Variants in NUP98 observed in about 807,000 individuals in gnomAD.
The protein encoded by NUP98 is nuclear pore complex protein Nup98-Nup96.
NUP98 carries 26 observed loss-of-function variants against 191.9 expected under a neutral mutation model. The ratio of observed to expected loss-of-function variants is 0.14; its 90% CI spans 0.10 to 0.19. The LOEUF is 0.19. NUP98 is among the 10% of genes least tolerant of loss of function. The probability of loss-of-function intolerance (pLI) is 1.00; values close to 1 mark genes in which losing one functional copy is unlikely to be tolerated. For missense variants in NUP98, 1,941 were observed against 2,178.8 expected (o/e 0.89, Z 2.17); for synonymous variants, 808 against 778.4 (o/e 1.04, Z -0.63).
intron 20 of NUP98, among the ~76,000 whole-genome samples, chr11:3,706,919 A>T (rs1479202930): frequency 6.6e-6 from 1 of 152,196 alleles, no homozygotes. Context: ...GTCTTCAGAG[A>T]CAAAGATTAT....
chr11:3,748,681 C>G (rs1188411895), intron 11 of NUP98, among the ~76,000 whole-genome samples: 1 of 151,966 alleles, frequency 6.6e-6, no homozygotes, highest in Non-Finnish European at 1.5e-5. Flanking sequence ...AAAGAAAAGC[C>G]TTCCTTAATT....
In NUP98 at chr11:3,768,862, C is replaced by T. The variant is rs1280210981; in HGVS notation, c.785-118G>A. ...AATAGTCTTTATGTTATCTACTACCCTTCATTCACTACTTGATCATCTTTT... is the reference window on the plus strand; with the variant it reads ...AATAGTCTTTATGTTATCTACTACCTTTCATTCACTACTTGATCATCTTTT... On this transcript the variant is annotated intron_variant, in intron 7 of 32. Transcript: ENST00000324932. The T allele has an allele frequency of 3.1e-5, 20 of 641,846 alleles. No individual in the cohort carries two copies. In the East Asian group the frequency reaches 5.1e-4, roughly 16 times the overall value. 39.8% of individuals were successfully genotyped at this position (641,846 alleles called of 1,614,324 possible). A position where few individuals can be genotyped will look rare whatever the true frequency, so the allele number is the denominator to read the frequency against.
intron 12 of NUP98, among the ~76,000 whole-genome samples, chr11:3,737,377 G>C (rs528730565): frequency 1.4e-4 from 21 of 149,104 alleles, no homozygotes; most frequent in Non-Finnish European, 2.8e-4. Flanking sequence ...TGTAATCCCA[G>C]CACTTTGGGA....
chr11:3,744,853 T>C (rs1466728300), intron 11 of NUP98, among the ~76,000 whole-genome samples: 1 of 152,208 alleles, frequency 6.6e-6, no homozygotes, highest in Admixed American at 6.6e-5. Context: ...TACTTAAATC[T>C]CTCTGTGCTT....
At chr11:3,788,227 C>T (rs2082209156) in intron 1 of NUP98, among the ~76,000 whole-genome samples, 1 of 152,212 alleles carries the variant, frequency 6.6e-6, no homozygotes, top group Admixed American at 6.5e-5. Flanking sequence ...CACTGAGCAG[C>T]ATTTTTTTCA....
chr11:3,748,562 C>G (rs368417869), intron 11 of NUP98, among the ~76,000 whole-genome samples: 29 of 152,072 alleles, frequency 1.9e-4, no homozygotes, highest in African/African-American at 6.7e-4. Flanking sequence ...TGGCTTATGC[C>G]GGGAGGCTGA....
At chr11:3,706,666 T>C in intron 20 of NUP98, 39 bp from the exon 21 acceptor site, 2 of 1,542,156 alleles carry the variant, frequency 1.3e-6, no homozygotes, top group Admixed American at 3.5e-5. Context: ...AGCATTAAAT[T>C]ATACCAAACA....
chr11:3,778,947 G>A lies in NUP98; in HGVS notation c.281C>T (p.Thr94Ile), dbSNP rs1194673873. The A allele has an allele frequency of 6.2e-7, 1 of 1,614,074 alleles. No homozygotes were observed. Among genetic ancestry groups the A allele is most frequent in the Admixed American group, 1.7e-5 (1 of 59,992 alleles). The change falls in exon 4 of 33, where the codon ACT (threonine) becomes ATT (isoleucine). Residue 94 changes from threonine to isoleucine, a missense_variant. By Grantham distance (89) the Thr-to-Ile change is moderately conservative. Around this residue, in one of 6 missense-constraint regions of NUP98, gnomAD observed 154 missense variants for 182.9 expected, o/e 0.84. Coordinates refer to ENST00000324932, the MANE Select transcript of NUP98 (RefSeq NM_016320.5). Reference sequence around the variant, plus strand: ...GAAGAGACTGGTCCCTGTGCTTGCAGTTCCAAACAAGGTATTTGCTGTTCC... The same window carrying A: ...GAAGAGACTGGTCCCTGTGCTTGCAATTCCAAACAAGGTATTTGCTGTTCC... ...STGTANTLFG[T>I]ASTGTSLFSS... is the part of the protein sequence containing the mutation.
intron 25 of NUP98, chr11:3,697,306 G>A (rs2078539976): frequency 6.6e-6 from 1 of 152,150 alleles, no homozygotes; most frequent in South Asian, 2.1e-4. Flanking sequence ...AGTGACAGTG[G>A]AATGCAACAA....
At chr11:3,676,685 G>T in intron 31 of NUP98, 65 bp from the exon 32 acceptor site, 2 of 1,223,192 alleles carry the variant, frequency 1.6e-6, no homozygotes, top group African/African-American at 1.5e-5. Context: ...CCCACCTATA[G>T]ACTCTACACA....
chr11:3,712,256 A>G, intron 20 of NUP98: 1 of 1,141,202 alleles, frequency 8.8e-7, no homozygotes, highest in Non-Finnish European at 1.1e-6. Context: ...AACCCACATG[A>G]GCAAATCTTA....
chr11:3,690,347 C>A (rs920471461), intron 28 of NUP98, among the ~76,000 whole-genome samples: 1 of 151,936 alleles, frequency 6.6e-6, no homozygotes, highest in East Asian at 1.9e-4. Context: ...GCAAGCTCTG[C>A]CTCCCGGGTT....
chr11:3,756,499 TGCA>T (rs2080962792), intron 10 of NUP98, among the ~76,000 whole-genome samples: 1 of 152,018 alleles, frequency 6.6e-6, no homozygotes, highest in African/African-American at 2.4e-5. Flanking sequence ...CAACCATCAC[TGCA>T]ACTTCTGCCT....
chr11:3,714,017 A>G (rs2079098439), intron 18 of NUP98, 22 bp from the exon 19 acceptor site: 1 of 1,610,460 alleles, frequency 6.2e-7, no homozygotes, highest in Non-Finnish European at 8.5e-7. Flanking sequence ...AACCAATTAA[A>G]GTAACCAATT....
intron 18 of NUP98, among the ~76,000 whole-genome samples, chr11:3,715,442 T>A (rs1195995409): frequency 6.6e-6 from 1 of 152,044 alleles, no homozygotes; most frequent in Non-Finnish European, 1.5e-5. Flanking sequence ...CATTTTTTTT[T>A]TTTCTAGTAA....
intron 7 of NUP98, among the ~76,000 whole-genome samples, chr11:3,771,060 A>C (rs796861119): frequency 3.9e-5 from 6 of 152,208 alleles, no homozygotes; most frequent in African/African-American, 1.4e-4. Flanking sequence ...GCAGGGTTTT[A>C]CCATGTTGGC....
At chr11:3,708,289 GAA>G (rs1298017910) in intron 20 of NUP98, among the ~76,000 whole-genome samples, 4 of 151,854 alleles carry the variant, frequency 2.6e-5, no homozygotes, top group Non-Finnish European at 5.9e-5. Context: ...TGAGTGGGAG[GAA>G]AGAAAAAATG....
intron 8 of NUP98, among the ~76,000 whole-genome samples, chr11:3,763,786 G>A (rs1376437866): frequency 6.6e-6 from 1 of 152,102 alleles, no homozygotes; most frequent in Non-Finnish European, 1.5e-5. Context: ...GACCTCAGGG[G>A]ATCCACCTGC....
Position 3,778,198 on chromosome 11 carries a change from CAAAAAAAAAAAA to C in NUP98, c.355+663_355+674del, listed in dbSNP as rs71302029. Among the ~76,000 whole-genome samples the C allele has an allele frequency of 8.6e-4, 52 of 60,514 alleles. No homozygotes were observed. In the East Asian group the frequency reaches 0.022, roughly 26 times the overall value. The allele number at this position is 60,514 out of a possible 152,430, so 39.7% of individuals were successfully genotyped here. A position where few individuals can be genotyped will look rare whatever the true frequency, so the allele number is the denominator to read the frequency against. ...TGGGTGACAGAGCGAGACTCCATCT[CAAAAAAAAAAAA>C]AAAAAAAAAAGAAAGAAAGAAAATA... On this transcript the variant is annotated intron_variant, in intron 4 of 32. Coordinates refer to ENST00000324932, the MANE Select transcript of NUP98 (RefSeq NM_016320.5).
Sources: gnomAD v4.1 joint callset for allele counts (sites outside exome capture counted in the v4.1 genomes callset) on GRCh38, gnomAD v4.1.1 for gene constraint, gnomAD v4.1.1 regional missense constraint, MANE v1.5 for transcripts, NCBI Gene and HGNC (gene_info 2026-07-23, HGNC 2026-07-21) for gene names.